Variants in TACC2 observed in about 807,000 individuals in gnomAD.
The protein encoded by TACC2 is transforming acidic coiled-coil containing protein 2, also known as transforming acidic coiled-coil-containing protein 2.
In TACC2, 137 loss-of-function variants were observed where a neutral mutation model predicts 227.3. The ratio of observed to expected loss-of-function variants is 0.60; its 90% CI spans 0.52 to 0.69. The LOEUF (loss-of-function observed/expected upper bound fraction) is 0.69, where lower values mean the gene tolerates loss of function less well. Among genes scored for constraint, TACC2 ranks in the 30% least tolerant of loss-of-function variants. TACC2 has a pLI of 0.00. For synonymous variants in TACC2, 1,523 were observed against 1,487.5 expected, an observed-to-expected ratio of 1.02 and a Z score of -0.55; for missense variants, 3,470 against 3,694.4, an observed-to-expected ratio of 0.94 and a Z score of 1.57.
intron 1 of TACC2, among the ~76,000 whole-genome samples, chr10:122,012,418 C>CAAAAAGAAA (rs1956054917): frequency 1.6e-5 from 1 of 60,726 alleles, no homozygotes; most frequent in Non-Finnish European, 2.9e-5. Context: ...GACTCCGTCT[C>CAAAAAGAAA]AAAAAAAAAA....
chr10:122,158,011 C>CTCCCTCCT (rs57442673), intron 7 of TACC2, among the ~76,000 whole-genome samples: 3 of 151,850 alleles, frequency 2.0e-5, no homozygotes, highest in South Asian at 2.1e-4. Context: ...ACTGGCCTTC[C>CTCCCTCCT]TCCCTCCTTC....
chr10:122,200,415 C>T (rs184105677), intron 8 of TACC2, among the ~76,000 whole-genome samples: 2,083 of 151,328 alleles, frequency 0.014, 23 homozygotes, highest in Non-Finnish European at 0.019. Flanking sequence ...CTCACCTGCC[C>T]ACAGTGGCTG....
rs1369142069 is a variant in TACC2 at position 122,050,255 on chromosome 10, T to G, written c.34-183T>G. 6.6e-6 allele frequency among the ~76,000 whole-genome samples: 1 copy of G among 152,168 alleles called. No individual in the cohort carries two copies. The highest frequency in any genetic ancestry group is 1.5e-5 in the Non-Finnish European group (1 of 68,038). ...GGATGAGAGCAGCAGCCACCTTTGC[T>G]TCGCTGCCATATATCCTCAAGGCCT... is the stretch of plus-strand genomic sequence containing the variant. On this transcript the variant is annotated intron_variant, in intron 2 of 22. Coordinates refer to ENST00000369005, the MANE Select transcript of TACC2 (RefSeq NM_206862.4). This position sits in a 1 kb window ranked among gnomAD's most constrained non-coding sequence, Gnocchi z 4.6.
Position 122,084,920 on chromosome 10 carries a change from C to G in TACC2, c.2420C>G (p.Ser807Cys). Residue 807 changes from serine (S) to cysteine (C), a missense_variant, in exon 4 of 23, where the codon TCC (serine) becomes TGC (cysteine). Around this residue, in one of 10 missense-constraint regions of TACC2, gnomAD observed 1,924 missense variants for 1,978.3 expected, o/e 0.97. Transcript: ENST00000369005. ...GACCAAGATCAGCAGGGAATCCCAT[C>G]CTGCCCAGGGGAAGGCTGGATAAGA... ...ILDQDQQGIP[S>C]CPGEGWIRGA... The G allele has an allele frequency of 6.2e-7, 1 of 1,614,148 alleles. No individual in the cohort carries two copies. The highest frequency in any genetic ancestry group is 1.1e-5 in the South Asian group (1 of 91,088).
At chr10:122,071,620 T>A (rs1344212082) in intron 3 of TACC2, among the ~76,000 whole-genome samples, 2 of 149,756 alleles carry the variant, frequency 1.3e-5, no homozygotes. Flanking sequence ...ACTCCTGTAA[T>A]CCCAGCACTT....
chr10:122,165,070 C>G (rs1224691466), intron 7 of TACC2, among the ~76,000 whole-genome samples: 1 of 152,140 alleles, frequency 6.6e-6, no homozygotes, highest in Non-Finnish European at 1.5e-5. Context: ...AGCAGGGAGT[C>G]ATTCTTCCGA....
intron 2 of TACC2, among the ~76,000 whole-genome samples, chr10:122,026,160 TCC>T (rs375289554): frequency 0.33 from 31,801 of 97,524 alleles, 3,976 homozygotes; most frequent in Admixed American, 0.39. Flanking sequence ...CTACTAAAAA[TCC>T]AAAAAAAAAA....
intron 18 of TACC2, 103 bp from the exon 19 acceptor site, chr10:122,241,855 G>T: frequency 9.3e-7 from 1 of 1,079,256 alleles, no homozygotes; most frequent in Non-Finnish European, 1.4e-6. Context: ...GACCCTGGAA[G>T]TTGGGGCCCT....
chr10:122,208,105 A>G (rs553923351), intron 8 of TACC2, among the ~76,000 whole-genome samples: 41 of 152,216 alleles, frequency 2.7e-4, no homozygotes, highest in Admixed American at 4.6e-4. Flanking sequence ...CACCTTTTGA[A>G]ATGAGAAGGA....
intron 4 of TACC2, among the ~76,000 whole-genome samples, chr10:122,088,164 T>G (rs1226294474): frequency 1.3e-5 from 2 of 152,234 alleles, no homozygotes; most frequent in Admixed American, 6.5e-5. Flanking sequence ...GGCTGGGAGC[T>G]GTTGACTATG....
intron 6 of TACC2, among the ~76,000 whole-genome samples, chr10:122,135,200 C>T (rs2089341651): frequency 6.6e-6 from 1 of 152,172 alleles, no homozygotes; most frequent in Admixed American, 6.5e-5. Context: ...TGTTCTGAAA[C>T]CTCCACTGGC....
At chr10:122,070,955 T>G (rs1431357164) in intron 3 of TACC2, among the ~76,000 whole-genome samples, 18 of 151,064 alleles carry the variant, frequency 1.2e-4, no homozygotes, top group Admixed American at 1.2e-3. Flanking sequence ...CAAAAATACG[T>G]TTACCACTCT....
At chr10:122,186,232 T>C (rs1269409264) in intron 7 of TACC2, among the ~76,000 whole-genome samples, 1 of 152,234 alleles carries the variant, frequency 6.6e-6, no homozygotes, top group East Asian at 1.9e-4. Flanking sequence ...CCTGGCCAAG[T>C]AACTCAGTTT....
chr10:122,045,718 C>T (rs1207817797), intron 2 of TACC2, among the ~76,000 whole-genome samples: 1 of 152,194 alleles, frequency 6.6e-6, no homozygotes, highest in Non-Finnish European at 1.5e-5. Context: ...TTTTACCTGC[C>T]TGGTATAGCT....
intron 7 of TACC2, among the ~76,000 whole-genome samples, chr10:122,171,034 G>T (rs2093446977): frequency 6.6e-6 from 1 of 152,212 alleles, no homozygotes; most frequent in Non-Finnish European, 1.5e-5. Flanking sequence ...TAGATTAGGG[G>T]CCGTGAGCAA....
rs933210994 is a variant in TACC2 at position 122,183,627 on chromosome 10, T to A, written c.5835-11413T>A. The stretch of plus-strand genomic sequence containing the variant: ...GGCTGCCCCCGTGGGCTGCTATGGA[T>A]CTAGATGCAGAAACTCTGCTGATTC... On this transcript the variant is annotated intron_variant, in intron 7 of 22. Coordinates refer to ENST00000369005, the MANE Select transcript of TACC2 (RefSeq NM_206862.4). Among the ~76,000 whole-genome samples, 4 of 152,002 alleles carry A rather than the reference T, an allele frequency of 2.6e-5. No individual in the cohort carries two copies. The South Asian group carries it at 8.3e-4, about 32-fold the overall frequency.
chr10:122,169,180 G>A (rs2093346751), intron 7 of TACC2, among the ~76,000 whole-genome samples: 1 of 152,216 alleles, frequency 6.6e-6, no homozygotes, highest in Non-Finnish European at 1.5e-5. Flanking sequence ...GCAGGTGTGT[G>A]CTGTTTAAAC....
intron 6 of TACC2, among the ~76,000 whole-genome samples, chr10:122,133,222 G>A (rs2088754112): frequency 6.6e-6 from 1 of 152,072 alleles, no homozygotes; most frequent in African/African-American, 2.4e-5. Flanking sequence ...GGGGCCTGGG[G>A]TCCCCGCCCC....
chr10:122,079,316 A>ATTG (rs1229830296), intron 3 of TACC2, among the ~76,000 whole-genome samples: 2 of 152,158 alleles, frequency 1.3e-5, no homozygotes, highest in African/African-American at 4.8e-5. Flanking sequence ...ACTTTATCCA[A>ATTG]ACCCCAAGTA....
Sources: gnomAD v4.1 joint callset for allele counts (sites outside exome capture counted in the v4.1 genomes callset) on GRCh38, gnomAD v4.1.1 for gene constraint, gnomAD v4.1.1 regional missense constraint, Gnocchi (gnomAD v3.1) non-coding constraint, MANE v1.5 for transcripts, NCBI Gene and HGNC (gene_info 2026-07-23, HGNC 2026-07-21) for gene names.